The following PGLYRP3 variants were observed in gnomAD, a reference collection of about 807,000 sequenced individuals.
PGLYRP3 encodes the protein peptidoglycan recognition protein I alpha.
Under a neutral mutation model 36.0 loss-of-function variants are expected in PGLYRP3, and 39 were observed. The observed-to-expected ratio is 1.08, with a 90% confidence interval of 0.84 to 1.41. PGLYRP3 has a LOEUF of 1.41. Ranked by LOEUF, PGLYRP3 falls within the 40% of genes most tolerant of loss-of-function variation. The pLI is 0.00. For missense variants in PGLYRP3, 407 were observed against 427.9 expected (o/e 0.95, Z 0.43); for synonymous variants, 204 against 172.8 (o/e 1.18, Z -1.42).
chr1:153,304,023 A>G lies in PGLYRP3; in HGVS notation c.377-14T>C. 1.2e-6 allele frequency: 2 copies of G among 1,601,886 alleles called. No individual in the cohort carries two copies. Among genetic ancestry groups the G allele is most frequent in the South Asian group, 1.1e-5 (1 of 90,444 alleles). On this transcript the variant is annotated splice_polypyrimidine_tract_variant and intron_variant, in intron 4 of 7. Coordinates refer to ENST00000683862, the MANE Select transcript of PGLYRP3 (RefSeq NM_052891.3). ...TGGGACTGCTGCCTTAAAGAGGAGG[A>G]CAGGGAGCACAAAAATGTCAGTAAG...
chr1:153,297,573 GAAAGAAAGAA>G lies in PGLYRP3; in HGVS notation c.*373_*382del, dbSNP rs1659466646. Among the ~76,000 whole-genome samples, 1 of 100,704 alleles carries G rather than the reference GAAAGAAAGAA, an allele frequency of 9.9e-6. No homozygotes were observed. Among genetic ancestry groups the G allele is most frequent in the South Asian group, 2.7e-4 (1 of 3,638 alleles). The allele number at this position is 100,704 out of a possible 152,430, so 66.1% of individuals were successfully genotyped here. A position where few individuals can be genotyped will look rare whatever the true frequency, so the allele number is the denominator to read the frequency against. The stretch of plus-strand genomic sequence containing the variant: ...AAGGAAAGAAAGAAAAAGAAAGAAA[GAAAGAAAGAA>G]GAAAGAAAGAAAGAAAGAAAGAGAA... On this transcript the variant is annotated 3_prime_UTR_variant, in exon 8 of 8. Coordinates refer to ENST00000683862, the MANE Select transcript of PGLYRP3 (RefSeq NM_052891.3).
intron 5 of PGLYRP3, 126 bp downstream of exon 5, chr1:153,303,731 T>C: frequency 9.8e-6 from 11 of 1,122,000 alleles, no homozygotes; most frequent in Non-Finnish European, 1.2e-5. Context: ...GATCTCAAAG[T>C]AGGCATGAGA....
rs942746473 is a variant in PGLYRP3, at chr1:153,299,233, T to G, written c.729-2A>C. 1 of 1,612,018 alleles carries G rather than the reference T, an allele frequency of 6.2e-7. No homozygotes were observed. Among genetic ancestry groups the G allele is most frequent in the East Asian group, 2.2e-5 (1 of 44,862 alleles). Reference sequence around the variant, plus strand: ...CCACCATCCTGGCCCACCAGGAAGCTTAGGTCAGGAAAAGAAAATGAAGAC... The same window carrying G: ...CCACCATCCTGGCCCACCAGGAAGCGTAGGTCAGGAAAAGAAAATGAAGAC... On this transcript the variant is annotated splice_acceptor_variant, in intron 6 of 7. Transcript: ENST00000683862. LOFTEE classifies it high-confidence loss of function.
intron 1 of PGLYRP3, 30 bp from the exon 2 acceptor site, chr1:153,310,736 C>A: frequency 7.4e-7 from 1 of 1,356,420 alleles, no homozygotes; most frequent in Non-Finnish European, 1.1e-6. Flanking sequence ...TTAACACAAC[C>A]ATGCTAACTC....
intron 6 of PGLYRP3, among the ~76,000 whole-genome samples, chr1:153,300,137 T>A (rs1659548905): frequency 6.6e-6 from 1 of 152,174 alleles, no homozygotes; most frequent in Non-Finnish European, 1.5e-5. Flanking sequence ...TCCCAGGCTT[T>A]CCCACCCTTA....
In PGLYRP3 at chr1:153,297,845, G is replaced by A; in HGVS notation, c.*111C>T. ...GACATGACCATTCAAACCTGAGAAAGGATGGGCTGGCAGGGGAGGGGGACA... is the reference window on the plus strand; with the variant it reads ...GACATGACCATTCAAACCTGAGAAAAGATGGGCTGGCAGGGGAGGGGGACA... On this transcript the variant is annotated 3_prime_UTR_variant, in exon 8 of 8. Coordinates refer to ENST00000683862, the MANE Select transcript of PGLYRP3 (RefSeq NM_052891.3). 8.0e-7 allele frequency: 1 copy of A among 1,256,740 alleles called. No individual in the cohort carries two copies. The highest frequency in any genetic ancestry group is 1.4e-5 in the South Asian group (1 of 71,274). The allele number at this position is 1,256,740 out of a possible 1,614,324, so 77.8% of individuals were successfully genotyped here.
At position 153,298,020 on chromosome 1, in the gene PGLYRP3, T is replaced by C. The variant is rs771736264; in HGVS notation, c.962A>G (p.Asn321Ser). Residue 321 changes from asparagine (N) to serine (S), a missense_variant, in exon 8 of 8, where the codon AAC becomes AGC. Asn to Ser is a conservative substitution (Grantham distance 46). Coordinates refer to ENST00000683862, the MANE Select transcript of PGLYRP3 (RefSeq NM_052891.3). ...YLLMGHSDVVNILSPGQALYN... is the reference protein window; with the variant it reads ...YLLMGHSDVVSILSPGQALYN... ...CAAAGCCTGCCCAGGGGACAGGATGTTGACCACGTCACTGTGGCCCATCAG... is the reference window on the plus strand; with the variant it reads ...CAAAGCCTGCCCAGGGGACAGGATGCTGACCACGTCACTGTGGCCCATCAG... The C allele has an allele frequency of 1.9e-6, 3 of 1,614,110 alleles. No individual in the cohort carries two copies. The highest frequency in any genetic ancestry group is 2.5e-6 in the Non-Finnish European group (3 of 1,180,014).
chr1:153,303,452 C>A (rs1659653151), intron 5 of PGLYRP3, among the ~76,000 whole-genome samples: 1 of 152,224 alleles, frequency 6.6e-6, no homozygotes, highest in Non-Finnish European at 1.5e-5. Flanking sequence ...AGCTTTTATG[C>A]CGTCTAACAT....
At chr1:153,299,782 C>T (rs1304006740) in intron 6 of PGLYRP3, among the ~76,000 whole-genome samples, 1 of 152,188 alleles carries the variant, frequency 6.6e-6, no homozygotes, top group African/African-American at 2.4e-5. Flanking sequence ...TAAAATTTAT[C>T]CAGCTAGAAA....
At chr1:153,307,029 T>G in intron 3 of PGLYRP3, 37 bp downstream of exon 3, 1 of 1,599,588 alleles carries the variant, frequency 6.3e-7, no homozygotes, top group Non-Finnish European at 8.6e-7. Flanking sequence ...CCCCGTGACT[T>G]TGGATGTGGG....
intron 2 of PGLYRP3, among the ~76,000 whole-genome samples, chr1:153,308,122 G>GT (rs1659799798): frequency 6.6e-6 from 1 of 151,984 alleles, no homozygotes; most frequent in Non-Finnish European, 1.5e-5. Flanking sequence ...AGCCTCCCGA[G>GT]TAACTGGAAT....
intron 3 of PGLYRP3, 65 bp downstream of exon 3, chr1:153,307,001 A>G (rs1411132494): frequency 4.7e-6 from 7 of 1,482,730 alleles, no homozygotes; most frequent in Non-Finnish European, 6.6e-6. Context: ...GCCACAGAGA[A>G]GGGGAAGTGG....
Position 153,303,921 on chromosome 1 carries a change from A to T in PGLYRP3, c.465T>A (p.Ile155=). Residue 155 remains isoleucine (I), a synonymous_variant, in exon 5 of 8, where the codon ATT becomes ATA. Transcript: ENST00000683862. ...TCTCTTCTTTCAGAAGAAGTGGCTGAATATACCTGGGCGACAGGTGACCCT... is the reference window on the plus strand; with the variant it reads ...TCTCTTCTTTCAGAAGAAGTGGCTGTATATACCTGGGCGACAGGTGACCCT... ...IQKGHLSPRY[I]QPLLLKEETC... 4 of 1,614,100 alleles carry T rather than the reference A, an allele frequency of 2.5e-6. No individual in the cohort carries two copies. Among genetic ancestry groups the T allele is most frequent in the Non-Finnish European group, 3.4e-6 (4 of 1,180,000 alleles).
rs539776243 is a variant in PGLYRP3, at chr1:153,303,396, T to C, written c.529+461A>G. Among the ~76,000 whole-genome samples, 4 of 152,344 alleles carry C rather than the reference T, an allele frequency of 2.6e-5. No individual in the cohort carries two copies. The South Asian group carries it at 6.2e-4, about 24-fold the overall frequency. On this transcript the variant is annotated intron_variant, in intron 5 of 7. Transcript: ENST00000683862. Reference sequence around the variant, plus strand: ...TGTCCCCACATAATAGACACAACTATGTATACATGTTAATCCCACTCCATT... The same window carrying C: ...TGTCCCCACATAATAGACACAACTACGTATACATGTTAATCCCACTCCATT...
chr1:153,310,519 G>T, intron 2 of PGLYRP3, 92 bp downstream of exon 2: 1 of 1,350,536 alleles, frequency 7.4e-7, no homozygotes, highest in Non-Finnish European at 1.1e-6. Context: ...CTAACAAAGT[G>T]AAAGCACTCG....
chr1:153,300,002 C>T (rs1388338568), intron 6 of PGLYRP3, among the ~76,000 whole-genome samples: 3 of 152,104 alleles, frequency 2.0e-5, no homozygotes, highest in Non-Finnish European at 2.9e-5. Context: ...AAAGTAGCAC[C>T]CAGAGTGATT....
At chr1:153,309,211 T>A (rs776839444) in intron 2 of PGLYRP3, among the ~76,000 whole-genome samples, 2 of 152,042 alleles carry the variant, frequency 1.3e-5, no homozygotes, top group African/African-American at 4.8e-5. Context: ...AGCAACCCCA[T>A]CTCCCACAGA....
chr1:153,312,788 C>A lies in PGLYRP3; in HGVS notation c.-187G>T, dbSNP rs1008796885. Among the ~76,000 whole-genome samples, 1 of 152,232 alleles carries A rather than the reference C, an allele frequency of 6.6e-6. No homozygotes were observed. ...GTGCCTCCTCAGGCCTTCACTCCCC[C>A]TGGCCCTAGAGGGCACTCCCTCCCT... On this transcript the variant is annotated 5_prime_UTR_variant, in exon 1 of 8. It adds an upstream start codon to the 5' untranslated region. Transcript: ENST00000683862.
chr1:153,311,525 A>T (rs1359176739), intron 1 of PGLYRP3, among the ~76,000 whole-genome samples: 4 of 152,124 alleles, frequency 2.6e-5, no homozygotes, highest in African/African-American at 9.7e-5. Flanking sequence ...GGACGTTCTC[A>T]ATGTGGGCCC....
Sources: gnomAD v4.1 joint callset for allele counts (sites outside exome capture counted in the v4.1 genomes callset) on GRCh38, gnomAD v4.1.1 for gene constraint, MANE v1.5 for transcripts, NCBI Gene and HGNC (gene_info 2026-07-23, HGNC 2026-07-21) for gene names.